The following TBL1X variants were observed in gnomAD, a reference collection of about 807,000 sequenced individuals.
TBL1X encodes the protein transducin beta like 1 X-linked, also known as F-box-like/WD repeat-containing protein TBL1X.
In TBL1X, 10 loss-of-function variants were observed where a neutral mutation model predicts 50.7. That is an observed-to-expected ratio of 0.20 (90% confidence interval 0.12 to 0.33). TBL1X has a LOEUF of 0.33. Among genes scored for constraint, TBL1X ranks in the 10% least tolerant of loss-of-function variants. The pLI, the probability that TBL1X is intolerant of heterozygous loss-of-function variation, is 1.00. For synonymous variants in TBL1X, 190 were observed against 214.7 expected, an observed-to-expected ratio of 0.88 and a Z score of 1.01; for missense variants, 340 against 504.4, an observed-to-expected ratio of 0.67 and a Z score of 3.12.
intron 2 of TBL1X, among the ~76,000 whole-genome samples, chrX:9,577,377 T>A (rs181998637): frequency 1.2e-4 from 14 of 112,086 alleles, no homozygotes; most frequent in African/African-American, 4.5e-4. Flanking sequence ...ACGATGCTGG[T>A]AGGAGGCACA....
intron 1 of TBL1X, among the ~76,000 whole-genome samples, chrX:9,469,830 G>C (rs901350716): frequency 3.6e-5 from 4 of 111,816 alleles, no homozygotes; most frequent in Non-Finnish European, 5.7e-5. Context: ...TGGAAGTCTT[G>C]GGGATCCCAT....
intron 2 of TBL1X, among the ~76,000 whole-genome samples, chrX:9,577,073 C>G (rs186240155): frequency 1.8e-5 from 2 of 111,517 alleles, no homozygotes; most frequent in East Asian, 5.6e-4. Context: ...TTTCCCAGGC[C>G]TCAATGATGA....
chrX:9,503,256 C>T (rs995647317), intron 2 of TBL1X, among the ~76,000 whole-genome samples: 17 of 112,181 alleles, frequency 1.5e-4, no homozygotes, highest in East Asian at 8.5e-4. Flanking sequence ...TGAGTGAGCA[C>T]GCTACCCAGC....
intron 2 of TBL1X, among the ~76,000 whole-genome samples, chrX:9,600,478 G>GGA (rs1555899129): frequency 1.2e-5 from 1 of 81,181 alleles, no homozygotes. Context: ...GCGGGGGGGG[G>GGA]GGTACACAAA....
intron 2 of TBL1X, among the ~76,000 whole-genome samples, chrX:9,552,276 G>T (rs1266402018): frequency 8.9e-6 from 1 of 111,974 alleles, no homozygotes; most frequent in African/African-American, 3.3e-5. Flanking sequence ...GTGGAACTCA[G>T]ATCCCAGCTC....
chrX:9,624,982 A>G (rs1274221834), intron 2 of TBL1X, among the ~76,000 whole-genome samples: 5 of 112,237 alleles, frequency 4.5e-5, no homozygotes. Flanking sequence ...TGGAGAACCA[A>G]GTAATATGTT....
intron 2 of TBL1X, among the ~76,000 whole-genome samples, chrX:9,524,731 T>A (rs921856460): frequency 8.9e-6 from 1 of 112,172 alleles, no homozygotes; most frequent in Non-Finnish European, 1.9e-5. Context: ...TTCTTTGATG[T>A]GTGCTTTCTA....
chrX:9,696,302 AG>A (rs1296199528), intron 11 of TBL1X, among the ~76,000 whole-genome samples: 1 of 112,482 alleles, frequency 8.9e-6, no homozygotes, highest in Non-Finnish European at 1.9e-5. Flanking sequence ...CCCAAAACCC[AG>A]GAGTACCAAG....
intron 5 of TBL1X, among the ~76,000 whole-genome samples, chrX:9,670,410 TAA>T (rs2082953970): frequency 9.0e-6 from 1 of 111,322 alleles, no homozygotes; most frequent in Non-Finnish European, 1.9e-5. Context: ...TTAAAAACCC[TAA>T]TCTCTAAGCC....
At chrX:9,624,850 A>C (rs2082684466) in intron 2 of TBL1X, among the ~76,000 whole-genome samples, 2 of 112,517 alleles carry the variant, frequency 1.8e-5, no homozygotes, top group African/African-American at 6.5e-5. Flanking sequence ...TGTTCTCTTT[A>C]CAAAAAAAAA....
At chrX:9,540,992 T>A (rs2082211656) in intron 2 of TBL1X, among the ~76,000 whole-genome samples, 1 of 112,006 alleles carries the variant, frequency 8.9e-6, no homozygotes, top group Non-Finnish European at 1.9e-5. Context: ...AAAGTCAGAA[T>A]TCACTTTTTG....
intron 1 of TBL1X, among the ~76,000 whole-genome samples, chrX:9,497,738 GTTCCTCCCTCCC>G (rs1391659844): frequency 1.2e-5 from 1 of 85,803 alleles, no homozygotes; most frequent in South Asian, 6.1e-4. Flanking sequence ...AGATTAGCGT[GTTCCTCCCTCCC>G]TCCCTCCCTC....
At chrX:9,623,685 TCAAA>T (rs201636613) in intron 2 of TBL1X, among the ~76,000 whole-genome samples, 19 of 111,336 alleles carry the variant, frequency 1.7e-4, no homozygotes, top group African/African-American at 3.3e-4. Flanking sequence ...AGACCCTGTC[TCAAA>T]CAAACAAACA....
chrX:9,551,256 G>A (rs2146991009), intron 2 of TBL1X, among the ~76,000 whole-genome samples: 1 of 109,934 alleles, frequency 9.1e-6, no homozygotes, highest in Non-Finnish European at 1.9e-5. Context: ...CATGGAGAGG[G>A]GGAGGTCAGT....
intron 7 of TBL1X, among the ~76,000 whole-genome samples, chrX:9,691,133 T>C (rs941454625): frequency 4.5e-5 from 5 of 111,807 alleles, no homozygotes; most frequent in African/African-American, 1.6e-4. Flanking sequence ...AGCCACGATT[T>C]CGTTAGAATC....
At chrX:9,699,676 G>T (rs993309155) in intron 12 of TBL1X, among the ~76,000 whole-genome samples, 32 of 111,674 alleles carry the variant, frequency 2.9e-4, no homozygotes, top group African/African-American at 9.4e-4. Flanking sequence ...CGAAGGTCCC[G>T]TCGAGGCACG....
rs1195264093 is a variant in TBL1X at position 9,546,858 on chromosome X, G to A, written c.-131+45009G>A. ...TTTTGAGACGGAGTCTCGCTCTGTC[G>A]CCCAGGCTGGAGTGCAGTGGCGCGA... On this transcript the variant is annotated intron_variant, in intron 2 of 17. Coordinates refer to ENST00000645353, the MANE Select transcript of TBL1X (RefSeq NM_005647.4). Among the ~76,000 whole-genome samples the A allele has an allele frequency of 6.4e-5, 5 of 77,749 alleles. No individual in the cohort carries two copies. The South Asian group carries it at 3.1e-3, about 49-fold the overall frequency. 67.5% of individuals were successfully genotyped at this position (77,749 alleles called of 115,157 possible).
intron 2 of TBL1X, among the ~76,000 whole-genome samples, chrX:9,538,265 C>G (rs1317378928): frequency 9.0e-6 from 1 of 111,573 alleles, no homozygotes; most frequent in Non-Finnish European, 1.9e-5. Context: ...AACCATGCTG[C>G]TCCCCATTTT....
intron 12 of TBL1X, among the ~76,000 whole-genome samples, chrX:9,700,757 C>T (rs1021231169): frequency 9.0e-6 from 1 of 111,023 alleles, no homozygotes; most frequent in Non-Finnish European, 1.9e-5. Flanking sequence ...CTCGTGGGGG[C>T]GCCCTTGGTC....
Sources: allele counts gnomAD v4.1 joint callset (sites outside exome capture counted in the v4.1 genomes callset), GRCh38; gene constraint gnomAD v4.1.1; transcripts MANE v1.5; gene names NCBI Gene and HGNC (gene_info 2026-07-23, HGNC 2026-07-21).